The following EXPH5 variants were observed in gnomAD, a reference collection of about 807,000 sequenced individuals.
EXPH5 encodes exophilin-5.
In EXPH5, 42 loss-of-function variants were observed where a neutral mutation model predicts 41.1. That is an observed-to-expected ratio of 1.02 (90% CI 0.80 to 1.32). The LOEUF (loss-of-function observed/expected upper bound fraction) is 1.32. Ranked by LOEUF, EXPH5 falls within the 40% of genes most tolerant of loss-of-function variation. The probability of loss-of-function intolerance (pLI) is 0.00; values close to 1 mark genes in which losing one functional copy is unlikely to be tolerated. For synonymous variants in EXPH5, 798 were observed against 833.5 expected (o/e 0.96, Z 0.73); for missense variants, 2,298 against 2,314.5 (o/e 0.99, Z 0.15).
Position 108,510,059 on chromosome 11 carries a change from C to G in EXPH5, c.5448G>C (p.Arg1816Ser). The G allele has an allele frequency of 6.2e-7, 1 of 1,611,456 alleles. No individual in the cohort carries two copies. The highest frequency in any genetic ancestry group is 8.5e-7 in the Non-Finnish European group (1 of 1,179,114). The change falls in exon 6 of 6, where the codon AGG becomes AGC. Residue 1816 changes from arginine to serine, a missense_variant. Transcript: ENST00000265843. ...LLRKSHPPKV[R>S]ERHFSESTSI... ...AAGTGCTTTCAGAAAAATGGCGCTC[C>G]CTGACTTTTGGAGGATGGCTTTTTC...
In EXPH5 at chr11:108,513,122, A is replaced by G; in HGVS notation, c.2385T>C (p.Asp795=). 3.1e-6 allele frequency: 5 copies of G among 1,611,476 alleles called. No individual in the cohort carries two copies. Among genetic ancestry groups the G allele is most frequent in the Non-Finnish European group, 4.2e-6 (5 of 1,179,422 alleles). The stretch of plus-strand genomic sequence containing the variant: ...GTTTTCTGTTTTCAGTAAACCTCTT[A>G]TCTTGTTTAATGTCATTGGATTTAT... ...HTDKSNDIKQ[D]KRFTENRKLG... Residue 795 remains aspartate, a synonymous_variant, in exon 6 of 6, where the codon GAT becomes GAC. Transcript: ENST00000265843.
At chr11:108,549,445 C>T (rs918296829) in intron 1 of EXPH5, among the ~76,000 whole-genome samples, 1 of 152,172 alleles carries the variant, frequency 6.6e-6, no homozygotes, top group Non-Finnish European at 1.5e-5. Flanking sequence ...ACCCACCTCC[C>T]CCTCCTCTTC....
intron 4 of EXPH5, among the ~76,000 whole-genome samples, chr11:108,519,883 G>A (rs1412262964): frequency 4.7e-5 from 7 of 150,226 alleles, no homozygotes; most frequent in African/African-American, 1.7e-4. Flanking sequence ...CCCGGGAGGC[G>A]GAGGTTGTAG....
the EXPH5 span, among the ~76,000 whole-genome samples, chr11:108,604,806 G>A: frequency 0.052 from 7,845 of 152,124 alleles, 245 homozygotes; most frequent in African/African-American, 0.088. Flanking sequence ...TGGTCAAGAA[G>A]GAAATTCAGG....
intron 1 of EXPH5, among the ~76,000 whole-genome samples, 169 bp downstream of exon 1, chr11:108,593,249 C>T (rs1195648922): frequency 6.6e-6 from 1 of 152,188 alleles, no homozygotes; most frequent in East Asian, 1.9e-4. Flanking sequence ...TCCCAAAGTC[C>T]TTCAGGGAGC....
At chr11:108,540,192 G>A (rs552002465) in intron 2 of EXPH5, among the ~76,000 whole-genome samples, 4 of 151,930 alleles carry the variant, frequency 2.6e-5, no homozygotes, top group Admixed American at 6.6e-5. Context: ...GTGTGGTGGC[G>A]CACGCCTGTA....
chr11:108,586,195 C>T (rs1280531147), intron 1 of EXPH5, among the ~76,000 whole-genome samples: 2 of 152,078 alleles, frequency 1.3e-5, no homozygotes, highest in Non-Finnish European at 2.9e-5. Context: ...AGTGATTCTC[C>T]TACCTCGGCC....
chr11:108,560,321 G>GTTT (rs1418904925), intron 1 of EXPH5, among the ~76,000 whole-genome samples: 5 of 152,220 alleles, frequency 3.3e-5, no homozygotes, highest in Non-Finnish European at 5.9e-5. Flanking sequence ...TATTTTCAAA[G>GTTT]AGTTAACTTT....
At chr11:108,564,883 T>C (rs563149758) in intron 1 of EXPH5, among the ~76,000 whole-genome samples, 3 of 150,902 alleles carry the variant, frequency 2.0e-5, no homozygotes, top group African/African-American at 7.3e-5. Context: ...TTATTTATTA[T>C]GTTTATTGGA....
At chr11:108,602,551 T>C in the EXPH5 span, among the ~76,000 whole-genome samples, 2 of 147,458 alleles carry the variant, frequency 1.4e-5, no homozygotes, top group African/African-American at 5.0e-5. Flanking sequence ...AAAACTGCCT[T>C]TTTTTTTTTT....
intron 1 of EXPH5, among the ~76,000 whole-genome samples, chr11:108,545,068 A>G (rs2093931510): frequency 2.0e-5 from 3 of 152,198 alleles, no homozygotes; most frequent in Middle Eastern, 6.8e-3. Flanking sequence ...AACACAGCCA[A>G]TATTACTTTT....
At chr11:108,576,783 T>C (rs1188929959) in intron 1 of EXPH5, among the ~76,000 whole-genome samples, 1 of 152,188 alleles carries the variant, frequency 6.6e-6, no homozygotes, top group African/African-American at 2.4e-5. Context: ...GTACAATAAA[T>C]TATAAACTCG....
intron 1 of EXPH5, among the ~76,000 whole-genome samples, chr11:108,575,767 A>C (rs2094077606): frequency 6.6e-6 from 1 of 152,226 alleles, no homozygotes; most frequent in African/African-American, 2.4e-5. Flanking sequence ...TGAGGTCAGG[A>C]GTTCAAGAAC....
At chr11:108,535,868 C>T (rs1284365416) in intron 3 of EXPH5, among the ~76,000 whole-genome samples, 1 of 152,150 alleles carries the variant, frequency 6.6e-6, no homozygotes, top group Non-Finnish European at 1.5e-5. Context: ...AAAGGAACAA[C>T]TATAGATTCT....
At chr11:108,587,630 A>C (rs977588780) in intron 1 of EXPH5, among the ~76,000 whole-genome samples, 12 of 152,224 alleles carry the variant, frequency 7.9e-5, no homozygotes, top group Admixed American at 2.6e-4. Flanking sequence ...TTACCCTTAC[A>C]AGTTATTTAT....
At chr11:108,562,609 A>G (rs2094017835) in intron 1 of EXPH5, among the ~76,000 whole-genome samples, 1 of 152,014 alleles carries the variant, frequency 6.6e-6, no homozygotes, top group Non-Finnish European at 1.5e-5. Flanking sequence ...ACGCTGTTTC[A>G]AAAAAAGAAA....
Position 108,510,320 on chromosome 11 carries a change from T to C in EXPH5, c.5187A>G (p.Ser1729=), listed in dbSNP as rs565716463. 1.9e-6 allele frequency: 3 copies of C among 1,614,224 alleles called. No individual in the cohort carries two copies. The highest frequency in any genetic ancestry group is 1.3e-5 in the African/African-American group (1 of 75,068). The change falls in exon 6 of 6, where the codon TCA becomes TCG. Residue 1729 remains serine, a synonymous_variant. Transcript: ENST00000265843. ...VTAAQNLVRE[S]GAPSPITFTS... ...TGAATGTGATGGGTGATGGGGCTCC[T>C]GATTCTCTTACTAAATTCTGAGCTG...
At position 108,514,294 on chromosome 11, in the gene EXPH5, A is replaced by G. The variant is rs943566121; in HGVS notation, c.1213T>C (p.Tyr405His). The change falls in exon 6 of 6, where the codon TAT (tyrosine) becomes CAT (histidine). Residue 405 changes from tyrosine (Y) to histidine (H), a missense_variant. Physicochemically the swap from Tyr to His is moderately conservative, Grantham distance 83. Transcript: ENST00000265843. ...TTATTCTCCTGAAAACCCCTGGGAT[A>G]CACATACTTGTCAGCGGGATCAATT... ...MEIDPADKYV[Y>H]PRGFQENKRY... 6.2e-7 allele frequency: 1 copy of G among 1,613,626 alleles called. No individual in the cohort carries two copies. Among genetic ancestry groups the G allele is most frequent in the African/African-American group, 1.3e-5 (1 of 74,902 alleles).
chr11:108,511,482 G>T lies in EXPH5; in HGVS notation c.4025C>A (p.Pro1342His). Residue 1342 changes from proline to histidine, a missense_variant, in exon 6 of 6, where the codon CCT becomes CAT. Coordinates refer to ENST00000265843, the MANE Select transcript of EXPH5 (RefSeq NM_015065.3). ...AACAGAAGCCATTTCCTGTAATGTA[G>T]GAGCTAGGGGCCCCCTATTTGATAA... is the stretch of plus-strand genomic sequence containing the variant. Reference protein sequence around the residue: ...FRLSNRGPLAPTLQEMASVEA... With the variant: ...FRLSNRGPLAHTLQEMASVEA... The T allele has an allele frequency of 6.3e-7, 1 of 1,583,980 alleles. No homozygotes were observed. Among genetic ancestry groups the T allele is most frequent in the Non-Finnish European group, 8.6e-7 (1 of 1,169,014 alleles).
Sources: gnomAD v4.1 joint callset for allele counts (sites outside exome capture counted in the v4.1 genomes callset) on GRCh38, gnomAD v4.1.1 for gene constraint, MANE v1.5 for transcripts, NCBI Gene and HGNC (gene_info 2026-07-23, HGNC 2026-07-21) for gene names.